SPTAN1: variants seen among roughly 807,000 people sequenced by gnomAD.
The protein encoded by SPTAN1 is spectrin alpha, non-erythrocytic 1.
A neutral mutation model predicts 331.3 loss-of-function variants in SPTAN1; 61 were observed. That is an observed-to-expected ratio of 0.18 (90% confidence interval 0.15 to 0.23). The LOEUF is 0.23. Ranked by LOEUF, SPTAN1 falls within the 10% of genes least tolerant of loss-of-function variation. The pLI, the probability that SPTAN1 is intolerant of heterozygous loss-of-function variation, is 1.00. For synonymous variants in SPTAN1, 1,153 were observed against 1,173.9 expected (o/e 0.98, Z 0.36); for missense variants, 2,043 against 3,147.9 (o/e 0.65, Z 8.40).
intron 1 of SPTAN1, among the ~76,000 whole-genome samples, chr9:128,561,553 G>T (rs1260035068): frequency 4.0e-5 from 6 of 149,420 alleles, no homozygotes; most frequent in Non-Finnish European, 8.9e-5. Flanking sequence ...GTCCCAGCTA[G>T]TCGGGAGGCT....
chr9:128,568,925 T>C (rs1431387596), intron 3 of SPTAN1, 28 bp downstream of exon 3: 15 of 1,613,476 alleles, frequency 9.3e-6, no homozygotes, highest in African/African-American at 1.3e-5. Flanking sequence ...GTGGAGTGGA[T>C]GGCTTCATCT....
Position 128,627,159 on chromosome 9 carries a change from C to T in SPTAN1, c.6577-227C>T, listed in dbSNP as rs1296365325. On this transcript the variant is annotated intron_variant, in intron 49 of 56. Coordinates refer to ENST00000372739, the MANE Select transcript of SPTAN1 (RefSeq NM_001130438.3). This position sits in a 1 kb window ranked among gnomAD's most constrained non-coding sequence, Gnocchi z 4.9. Reference sequence around the variant, plus strand: ...TCCAGCAACTCCCTGCTTGACTGACCAGTCGCTTCCCTCCAGGTCCGCCTC... The same window carrying T: ...TCCAGCAACTCCCTGCTTGACTGACTAGTCGCTTCCCTCCAGGTCCGCCTC... 2 of 630,050 alleles carry T rather than the reference C, an allele frequency of 3.2e-6. No homozygotes were observed. The highest frequency in any genetic ancestry group is 3.1e-5 in the South Asian group (2 of 63,932). The allele number at this position is 630,050 out of a possible 1,614,324, so 39.0% of individuals were successfully genotyped here.
At chr9:128,591,350 G>C (rs1853489824) in intron 21 of SPTAN1, 127 bp from the exon 22 acceptor site, 1 of 1,201,070 alleles carries the variant, frequency 8.3e-7, no homozygotes, top group East Asian at 2.4e-5. Context: ...ATAGGTGTGA[G>C]CCACTGTGGC....
chr9:128,625,277 C>A lies in SPTAN1; in HGVS notation c.6069+98C>A. Reference sequence around the variant, plus strand: ...CTGAGGCATTTATCTTCTGTTAGCCCCTGGGGATCAGCAGGAAAAAGATCC... The same window carrying A: ...CTGAGGCATTTATCTTCTGTTAGCCACTGGGGATCAGCAGGAAAAAGATCC... On this transcript the variant is annotated intron_variant, in intron 47 of 56. Transcript: ENST00000372739. The surrounding 1 kb of genome is among the most constrained non-coding windows in gnomAD (Gnocchi z 4.1). 8.0e-7 allele frequency: 1 copy of A among 1,244,992 alleles called. No individual in the cohort carries two copies. Among genetic ancestry groups the A allele is most frequent in the Non-Finnish European group, 1.2e-6 (1 of 858,284 alleles). The allele number at this position is 1,244,992 out of a possible 1,614,324, so 77.1% of individuals were successfully genotyped here. A position where few individuals can be genotyped will look rare whatever the true frequency, so the allele number is the denominator to read the frequency against.
At chr9:128,593,243 G>A in intron 23 of SPTAN1, 1 of 656,838 alleles carries the variant, frequency 1.5e-6, no homozygotes, top group East Asian at 2.8e-5. Flanking sequence ...TATCTCATTG[G>A]TTGCTTCCAT....
intron 40 of SPTAN1, among the ~76,000 whole-genome samples, chr9:128,614,698 G>A (rs1056016379): frequency 6.6e-6 from 1 of 152,172 alleles, no homozygotes; most frequent in Admixed American, 6.5e-5. Context: ...TTGAGTCCAG[G>A]CAGGAGGTTG....
intron 27 of SPTAN1, among the ~76,000 whole-genome samples, chr9:128,601,923 T>A (rs1855200402): frequency 6.6e-6 from 1 of 152,182 alleles, no homozygotes; most frequent in Admixed American, 6.5e-5. Flanking sequence ...CAACTTTCTC[T>A]CCTTTTCTCA....
intron 21 of SPTAN1, among the ~76,000 whole-genome samples, chr9:128,590,196 C>G (rs1456139412): frequency 6.6e-6 from 1 of 152,114 alleles, no homozygotes; most frequent in African/African-American, 2.4e-5. Context: ...TTTGAGGAAA[C>G]CTGTGATTCT....
At chr9:128,616,219 A>G (rs1042031372) in intron 41 of SPTAN1, among the ~76,000 whole-genome samples, 1 of 151,714 alleles carries the variant, frequency 6.6e-6, no homozygotes, top group East Asian at 2.0e-4. Flanking sequence ...AGGTAAACAA[A>G]CATTTTTTTT....
At chr9:128,605,640 C>T (rs1368250950) in intron 31 of SPTAN1, among the ~76,000 whole-genome samples, 163 bp downstream of exon 31, 3 of 152,054 alleles carry the variant, frequency 2.0e-5, no homozygotes, top group Non-Finnish European at 2.9e-5. Context: ...ACTCAGGAGC[C>T]GGAGACCAGC....
At chr9:128,623,682 C>T (rs1045563560) in intron 45 of SPTAN1, among the ~76,000 whole-genome samples, 8 of 149,208 alleles carry the variant, frequency 5.4e-5, no homozygotes, top group Admixed American at 1.3e-4. Context: ...CCATATTAGC[C>T]AAGCTGGTCT....
chr9:128,559,131 AGACCTCCCACCTACTGACGTCAGCT>A (rs898208662), intron 1 of SPTAN1, among the ~76,000 whole-genome samples: 2 of 152,158 alleles, frequency 1.3e-5, no homozygotes, highest in Non-Finnish European at 2.9e-5. Flanking sequence ...GTGGCTTGGC[AGACCTCCCACCTACTGACGTCAGCT>A]GATCTACTGC....
intron 24 of SPTAN1, among the ~76,000 whole-genome samples, chr9:128,597,938 C>T (rs918721755): frequency 6.6e-6 from 1 of 151,630 alleles, no homozygotes. Flanking sequence ...CGTGAGCCAC[C>T]GCACCCGGCC....
At chr9:128,597,628 G>C (rs867155030) in intron 24 of SPTAN1, among the ~76,000 whole-genome samples, 199 of 152,114 alleles carry the variant, frequency 1.3e-3, no homozygotes, top group African/African-American at 4.6e-3. Context: ...GATCCTTATA[G>C]CTTTTTTTGT....
At chr9:128,633,063 A>G (rs917327100) in intron 56 of SPTAN1, 108 bp downstream of exon 56, 7 of 1,593,082 alleles carry the variant, frequency 4.4e-6, no homozygotes, top group Non-Finnish European at 3.4e-6. Flanking sequence ...TATTCTCCCC[A>G]TTTACAAATC....
Position 128,620,724 on chromosome 9 carries a change from GAA to G in SPTAN1, c.5734-425_5734-424del, listed in dbSNP as rs57158260. On this transcript the variant is annotated intron_variant, in intron 44 of 56. Transcript: ENST00000372739. ...TAGAGCAAGAACTCCGTCTCAAAAA[GAA>G]AAAAAAAAGACATGACTTGGAAGGC... Among the ~76,000 whole-genome samples the G allele has an allele frequency of 2.8e-3, 415 of 147,688 alleles. 9 individuals are homozygous for G. In the East Asian group the frequency reaches 0.042, roughly 15 times the overall value.
At chr9:128,571,424 A>T (rs967715561) in intron 3 of SPTAN1, among the ~76,000 whole-genome samples, 1 of 152,254 alleles carries the variant, frequency 6.6e-6, no homozygotes, top group Non-Finnish European at 1.5e-5. Flanking sequence ...GTTTCTACCA[A>T]AATACAAAAA....
chr9:128,569,178 G>A (rs551984635), intron 3 of SPTAN1, among the ~76,000 whole-genome samples: 13 of 152,318 alleles, frequency 8.5e-5, no homozygotes, highest in Middle Eastern at 6.8e-3. Flanking sequence ...TTTATAAGTG[G>A]CAGTGAGATG....
chr9:128,625,225 C>A lies in SPTAN1; in HGVS notation c.6069+46C>A. On this transcript the variant is annotated intron_variant, in intron 47 of 56. Coordinates refer to ENST00000372739, the MANE Select transcript of SPTAN1 (RefSeq NM_001130438.3). The surrounding 1 kb of genome is among the most constrained non-coding windows in gnomAD (Gnocchi z 4.1). The stretch of plus-strand genomic sequence containing the variant: ...TGGTTGAAATGTATGCAGATAGCAT[C>A]TGTGAGATGACTGGTGGCGTCTTTC... 1 of 1,580,148 alleles carries A rather than the reference C, an allele frequency of 6.3e-7. No homozygotes were observed. The highest frequency in any genetic ancestry group is 8.7e-7 in the Non-Finnish European group (1 of 1,149,516).
Sources: gnomAD v4.1 joint callset for allele counts (sites outside exome capture counted in the v4.1 genomes callset) on GRCh38, gnomAD v4.1.1 for gene constraint, Gnocchi (gnomAD v3.1) non-coding constraint, MANE v1.5 for transcripts, NCBI Gene and HGNC (gene_info 2026-07-23, HGNC 2026-07-21) for gene names.